CFAP20DC: variants seen among roughly 807,000 people sequenced by gnomAD.
The protein encoded by CFAP20DC is protein CFAP20DC.
CFAP20DC carries 84 observed loss-of-function variants against 101.7 expected under a neutral mutation model. The observed-to-expected ratio is 0.83, with a 90% CI of 0.69 to 0.99. The LOEUF (loss-of-function observed/expected upper bound fraction) is 0.99. CFAP20DC is among the 50% of genes least tolerant of loss of function. The pLI, the probability that CFAP20DC is intolerant of heterozygous loss-of-function variation, is 0.00. For missense variants in CFAP20DC, 1,007 were observed against 970.3 expected (o/e 1.04, Z -0.50); for synonymous variants, 359 against 351.2 (o/e 1.02, Z -0.25).
chr3:59,045,443 G>A (rs1003871268), intron 3 of CFAP20DC, among the ~76,000 whole-genome samples: 4 of 151,884 alleles, frequency 2.6e-5, no homozygotes, highest in African/African-American at 9.7e-5. Context: ...AACATAGGAC[G>A]TAGTTGATGA....
At chr3:58,759,713 A>G (rs922616723) in intron 15 of CFAP20DC, among the ~76,000 whole-genome samples, 3 of 152,214 alleles carry the variant, frequency 2.0e-5, no homozygotes, top group African/African-American at 7.2e-5. Flanking sequence ...ATTTTTGTAC[A>G]AGGTGCAAGG....
chr3:58,884,449 G>A (rs1483146936), intron 7 of CFAP20DC, 96 bp downstream of exon 7: 3 of 1,155,930 alleles, frequency 2.6e-6, no homozygotes, highest in Non-Finnish European at 3.8e-6. Flanking sequence ...GAAGGATATA[G>A]AAGAATGAGG....
intron 14 of CFAP20DC, among the ~76,000 whole-genome samples, chr3:58,814,446 C>A (rs2074948609): frequency 6.6e-6 from 1 of 151,166 alleles, no homozygotes; most frequent in East Asian, 1.9e-4. Flanking sequence ...AAAACTGGCA[C>A]AAGACAGGGA....
At chr3:58,936,997 A>G (rs1486721356) in intron 5 of CFAP20DC, among the ~76,000 whole-genome samples, 10 of 152,004 alleles carry the variant, frequency 6.6e-5, no homozygotes, top group Non-Finnish European at 1.5e-5. Context: ...AAAGGAAAGT[A>G]TCAAGTGCAT....
chr3:58,751,998 C>T (rs912105527), intron 16 of CFAP20DC, among the ~76,000 whole-genome samples: 11 of 152,126 alleles, frequency 7.2e-5, no homozygotes, highest in African/African-American at 2.2e-4. Context: ...AACCATACTT[C>T]CCTTCCCCTT....
chr3:58,996,000 A>G (rs1559962273), intron 4 of CFAP20DC, among the ~76,000 whole-genome samples: 1 of 151,658 alleles, frequency 6.6e-6, no homozygotes, highest in Non-Finnish European at 1.5e-5. Context: ...CTATCTATCT[A>G]TCTATCTATC....
chr3:58,791,771 G>T (rs997084408), intron 15 of CFAP20DC, among the ~76,000 whole-genome samples: 1 of 152,174 alleles, frequency 6.6e-6, no homozygotes, highest in Non-Finnish European at 1.5e-5. Context: ...GTCATTAAGT[G>T]ACTGGGTTGA....
At chr3:59,027,025 T>C (rs962543910) in intron 4 of CFAP20DC, among the ~76,000 whole-genome samples, 1 of 152,160 alleles carries the variant, frequency 6.6e-6, no homozygotes, top group Non-Finnish European at 1.5e-5. Context: ...AGAGTTAGCA[T>C]TACCATTTAC....
At chr3:58,844,409 C>A (rs1402776483) in intron 13 of CFAP20DC, among the ~76,000 whole-genome samples, 1 of 136,578 alleles carries the variant, frequency 7.3e-6, no homozygotes, top group Non-Finnish European at 1.5e-5. Flanking sequence ...TCAAAAGAGA[C>A]AAAGAAGGCC....
chr3:58,742,661 T>G, intron 16 of CFAP20DC, 89 bp from the exon 17 acceptor site: 2 of 835,214 alleles, frequency 2.4e-6, no homozygotes, highest in Non-Finnish European at 3.7e-6. Context: ...TCACCATCTC[T>G]CCTGGGGGAT....
intron 4 of CFAP20DC, among the ~76,000 whole-genome samples, chr3:59,030,097 T>C (rs896486844): frequency 6.6e-5 from 10 of 152,206 alleles, no homozygotes; most frequent in Middle Eastern, 3.2e-3. Context: ...AAATGTATCT[T>C]TGTGAAACAA....
At chr3:58,807,657 C>T (rs954096698) in intron 14 of CFAP20DC, among the ~76,000 whole-genome samples, 8 of 152,332 alleles carry the variant, frequency 5.3e-5, no homozygotes, top group African/African-American at 1.2e-4. Context: ...AAAAGCAGAG[C>T]GCGTCTCCTC....
intron 16 of CFAP20DC, among the ~76,000 whole-genome samples, chr3:58,752,296 C>T (rs540389772): frequency 6.6e-6 from 1 of 152,084 alleles, no homozygotes; most frequent in Admixed American, 6.6e-5. Flanking sequence ...AGAAAAGGGC[C>T]AGGGGACAGC....
rs1258620610 is a variant in CFAP20DC at position 58,721,394 on chromosome 3, A to G, written c.198-3766T>C. Among the ~76,000 whole-genome samples the G allele has an allele frequency of 1.3e-5, 2 of 151,080 alleles. No homozygotes were observed. The highest frequency in any genetic ancestry group is 2.9e-5 in the Non-Finnish European group (2 of 67,980). ...ATGAAGAGATAGACATTTTTTAAAA[A>G]TTACAACCATGATAGGGTACCTAGT... On this transcript the variant is annotated intron_variant, in intron 3 of 3. Coordinates refer to the CFAP20DC transcript ENST00000486145. The surrounding 1 kb of genome is among the most constrained non-coding windows in gnomAD (Gnocchi z 5.2).
chr3:58,745,773 C>T (rs1178641365), intron 16 of CFAP20DC, among the ~76,000 whole-genome samples: 1 of 152,106 alleles, frequency 6.6e-6, no homozygotes, highest in African/African-American at 2.4e-5. Context: ...TTCATAGAGG[C>T]AGGAAGGATG....
intron 4 of CFAP20DC, among the ~76,000 whole-genome samples, chr3:58,949,817 C>T (rs2089877069): frequency 6.6e-6 from 1 of 152,138 alleles, no homozygotes; most frequent in Admixed American, 6.5e-5. Flanking sequence ...CAGTATCATA[C>T]TGAATGGGCA....
chr3:58,724,006 C>T lies in CFAP20DC; in HGVS notation c.198-6378G>A, dbSNP rs746955849. 2.2e-4 allele frequency among the ~76,000 whole-genome samples: 34 copies of T among 152,294 alleles called. No homozygotes were observed. Among genetic ancestry groups the T allele is most frequent in the Non-Finnish European group, 4.1e-4 (28 of 68,022 alleles). Reference sequence around the variant, plus strand: ...CGTGGATAGAGGACAAACATTCATTCGCTGGTCTCTGTTCTTGGGGAAGTA... The same window carrying T: ...CGTGGATAGAGGACAAACATTCATTTGCTGGTCTCTGTTCTTGGGGAAGTA... On this transcript the variant is annotated intron_variant, in intron 3 of 3. Coordinates refer to the CFAP20DC transcript ENST00000486145. The surrounding 1 kb of genome is among the most constrained non-coding windows in gnomAD (Gnocchi z 5.6).
intron 13 of CFAP20DC, among the ~76,000 whole-genome samples, chr3:58,836,801 G>C (rs1363432372): frequency 6.6e-6 from 1 of 151,946 alleles, no homozygotes; most frequent in Admixed American, 6.6e-5. Flanking sequence ...TTTTAAAAAA[G>C]CACTATTACA....
intron 14 of CFAP20DC, among the ~76,000 whole-genome samples, chr3:58,813,936 G>C (rs1188743325): frequency 6.6e-6 from 1 of 151,818 alleles, no homozygotes; most frequent in African/African-American, 2.4e-5. Context: ...GTGAAATTTG[G>C]TTCTATGATT....
Sources: allele counts gnomAD v4.1 joint callset (sites outside exome capture counted in the v4.1 genomes callset), GRCh38; gene constraint gnomAD v4.1.1; non-coding constraint Gnocchi (gnomAD v3.1); transcripts MANE v1.5; gene names NCBI Gene and HGNC (gene_info 2026-07-23, HGNC 2026-07-21).